JAK2: variants seen among roughly 807,000 people sequenced by gnomAD.
The protein encoded by JAK2 is tyrosine-protein kinase JAK2.
A neutral mutation model predicts 139.3 loss-of-function variants in JAK2; 86 were observed. That is an observed-to-expected ratio of 0.62 (90% CI 0.52 to 0.74). The LOEUF is 0.74. Ranked by LOEUF, JAK2 falls within the 30% of genes least tolerant of loss-of-function variation. JAK2 has a pLI of 0.00. For synonymous variants in JAK2, 490 were observed against 437.7 expected, an observed-to-expected ratio of 1.12 and a Z score of -1.49; for missense variants, 1,421 against 1,360.3, an observed-to-expected ratio of 1.04 and a Z score of -0.70.
At chr9:5,042,599 A>AGGCCCAGCGCC (rs1554666383) in intron 4 of JAK2, among the ~76,000 whole-genome samples, 1 of 151,668 alleles carries the variant, frequency 6.6e-6, no homozygotes, top group Non-Finnish European at 1.5e-5. Context: ...CCCAGGGCTG[A>AGGCCCAGCGCC]GGCCCAGCCA....
At chr9:5,072,963 A>C (rs1202779264) in intron 13 of JAK2, among the ~76,000 whole-genome samples, 3 of 152,206 alleles carry the variant, frequency 2.0e-5, no homozygotes, top group Non-Finnish European at 2.9e-5. Context: ...TGAAAAAAAA[A>C]CAAAAAACCA....
At chr9:5,073,572 G>C (rs1219586993) in intron 13 of JAK2, 126 bp from the exon 14 acceptor site, 1 of 727,642 alleles carries the variant, frequency 1.4e-6, no homozygotes, top group East Asian at 2.5e-5. Context: ...AAAGCACATT[G>C]TATCCTCATC....
At chr9:5,087,357 G>C (rs1051515560) in intron 19 of JAK2, among the ~76,000 whole-genome samples, 1 of 152,154 alleles carries the variant, frequency 6.6e-6, no homozygotes, top group Non-Finnish European at 1.5e-5. Flanking sequence ...GAACAGCATG[G>C]AGGAAACCAC....
At chr9:5,079,564 T>C (rs917730685) in intron 16 of JAK2, among the ~76,000 whole-genome samples, 2 of 151,990 alleles carry the variant, frequency 1.3e-5, no homozygotes, top group African/African-American at 2.4e-5. Context: ...CTCTGAATGA[T>C]GTAACATTAC....
rs537204831 is a variant in JAK2, at chr9:5,126,043, G to GT, written c.3178-284dup. On this transcript the variant is annotated intron_variant, in intron 23 of 24. Coordinates refer to ENST00000381652, the MANE Select transcript of JAK2 (RefSeq NM_004972.4). ...GAAATGTAATATGATAAAAATATGA[G>GT]TTTTTTAACAACAAAAAACTCAAAG... 44 of 222,138 alleles carry GT rather than the reference G, an allele frequency of 2.0e-4. No homozygotes were observed. The South Asian group carries it at 7.4e-3, about 37-fold the overall frequency. 13.8% of individuals were successfully genotyped at this position (222,138 alleles called of 1,614,324 possible). A position where few individuals can be genotyped will look rare whatever the true frequency, so the allele number is the denominator to read the frequency against.
At chr9:5,086,910 G>A (rs890782017) in intron 19 of JAK2, among the ~76,000 whole-genome samples, 1 of 151,992 alleles carries the variant, frequency 6.6e-6, no homozygotes, top group Non-Finnish European at 1.5e-5. Context: ...ACTTTCGCTG[G>A]TATCCACAAT....
At chr9:5,002,632 T>A (rs1388194704) in intron 2 of JAK2, among the ~76,000 whole-genome samples, 2 of 151,970 alleles carry the variant, frequency 1.3e-5, no homozygotes, top group African/African-American at 4.8e-5. Flanking sequence ...TCTGTAAATG[T>A]CAGTTATATT....
At chr9:5,044,591 T>C in intron 5 of JAK2, 71 bp downstream of exon 5, 1 of 988,570 alleles carries the variant, frequency 1.0e-6, no homozygotes, top group Non-Finnish European at 1.5e-6. Flanking sequence ...AGTCACTTAA[T>C]CAGGAAAAAC....
chr9:5,068,351 C>A (rs1055152437), intron 10 of JAK2, among the ~76,000 whole-genome samples: 2 of 151,982 alleles, frequency 1.3e-5, no homozygotes, highest in African/African-American at 4.8e-5. Context: ...TTAAAAACTG[C>A]AAAATATTAA....
chr9:5,103,156 T>C (rs571656481), intron 22 of JAK2, among the ~76,000 whole-genome samples: 1 of 132,616 alleles, frequency 7.5e-6, no homozygotes, highest in Non-Finnish European at 1.5e-5. Context: ...ACCAATCTCA[T>C]GTGCAGAGAA....
chr9:5,029,587 G>A (rs936080757), intron 3 of JAK2, among the ~76,000 whole-genome samples, 196 bp from the exon 4 acceptor site: 1 of 152,166 alleles, frequency 6.6e-6, no homozygotes, highest in African/African-American at 2.4e-5. Flanking sequence ...GCACTAAAAT[G>A]AAGTATGTTT....
intron 2 of JAK2, among the ~76,000 whole-genome samples, chr9:4,993,223 A>C (rs1405316101): frequency 6.6e-6 from 1 of 152,204 alleles, no homozygotes; most frequent in South Asian, 2.1e-4. Context: ...CTGTGGGACA[A>C]CACCCTTAAG....
At chr9:5,088,825 A>G (rs2130667525) in intron 19 of JAK2, among the ~76,000 whole-genome samples, 1 of 152,282 alleles carries the variant, frequency 6.6e-6, no homozygotes, top group East Asian at 1.9e-4. Flanking sequence ...TAGCCTTGTC[A>G]CATTAGAGTT....
intron 3 of JAK2, among the ~76,000 whole-genome samples, chr9:5,023,040 T>A (rs1822537661): frequency 6.6e-6 from 1 of 152,234 alleles, no homozygotes; most frequent in Admixed American, 6.5e-5. Context: ...TTCTAGCTAT[T>A]TTGAAAAATA....
intron 16 of JAK2, 89 bp downstream of exon 16, chr9:5,078,533 AT>A (rs1586749564): frequency 2.1e-6 from 2 of 964,284 alleles, no homozygotes; most frequent in Non-Finnish European, 3.1e-6. Context: ...CTTGAATTCC[AT>A]TTAATTTGTA....
chr9:5,079,618 G>A (rs1044933469), intron 16 of JAK2, among the ~76,000 whole-genome samples: 63 of 152,002 alleles, frequency 4.1e-4, no homozygotes, highest in African/African-American at 1.5e-3. Flanking sequence ...AAAGTATCAT[G>A]GGGCAATTTT....
chr9:5,123,516 G>T (rs1387195287), intron 23 of JAK2, among the ~76,000 whole-genome samples: 1 of 151,928 alleles, frequency 6.6e-6, no homozygotes, highest in Non-Finnish European at 1.5e-5. Flanking sequence ...ATTCCATTTT[G>T]TATGTATACC....
At chr9:5,034,379 G>C (rs910315429) in intron 4 of JAK2, among the ~76,000 whole-genome samples, 2 of 152,106 alleles carry the variant, frequency 1.3e-5, no homozygotes, top group African/African-American at 4.8e-5. Context: ...TTCAGCTCTG[G>C]ACCAAGCAGA....
intron 2 of JAK2, among the ~76,000 whole-genome samples, chr9:5,016,161 A>G (rs1822046266): frequency 6.6e-6 from 1 of 152,298 alleles, no homozygotes; most frequent in African/African-American, 2.4e-5. Flanking sequence ...CTACTGCTAT[A>G]GTGTTGGATA....
Sources: gnomAD v4.1 joint callset for allele counts (sites outside exome capture counted in the v4.1 genomes callset) on GRCh38, gnomAD v4.1.1 for gene constraint, MANE v1.5 for transcripts, NCBI Gene and HGNC (gene_info 2026-07-23, HGNC 2026-07-21) for gene names.